HS2ST1: variants seen among roughly 807,000 people sequenced by gnomAD.
The protein encoded by HS2ST1 is heparan sulfate 2-O-sulfotransferase 1, also known as 2-O-sulfotransferase.
Under a neutral mutation model 42.9 loss-of-function variants are expected in HS2ST1, and 18 were observed. That is an observed-to-expected ratio of 0.42 (90% CI 0.29 to 0.62). The LOEUF is 0.62. HS2ST1 is among the 20% of genes least tolerant of loss of function. The pLI is 0.21. For missense variants in HS2ST1, 334 were observed against 433.8 expected, an observed-to-expected ratio of 0.77 and a Z score of 2.04; for synonymous variants, 146 against 152.9, an observed-to-expected ratio of 0.95 and a Z score of 0.33.
chr1:87,001,042 T>C (rs1298291532), intron 1 of HS2ST1, among the ~76,000 whole-genome samples: 1 of 152,214 alleles, frequency 6.6e-6, no homozygotes, highest in Non-Finnish European at 1.5e-5. Context: ...AGCTTTTGTT[T>C]TTATACAAGT....
intron 1 of HS2ST1, chr1:86,932,585 A>G (rs1660566337): frequency 6.6e-6 from 1 of 152,174 alleles, no homozygotes. Flanking sequence ...GTAAAATTAA[A>G]ATTACTGATT....
chr1:87,038,182 A>G (rs1473700573), intron 1 of HS2ST1, among the ~76,000 whole-genome samples: 1 of 152,086 alleles, frequency 6.6e-6, no homozygotes, highest in Admixed American at 6.6e-5. Flanking sequence ...CTATGACAAT[A>G]TGCTGTGTTC....
At chr1:87,047,163 T>A (rs1570510565) in intron 1 of HS2ST1, among the ~76,000 whole-genome samples, 1 of 152,334 alleles carries the variant, frequency 6.6e-6, no homozygotes, top group African/African-American at 2.4e-5. Flanking sequence ...CTTACAAATT[T>A]TTGTGTTATC....
intron 3 of HS2ST1, among the ~76,000 whole-genome samples, chr1:87,088,325 G>T (rs1330621948): frequency 6.6e-6 from 1 of 151,924 alleles, no homozygotes. Context: ...TATCTTATCA[G>T]TCATCAAGTC....
chr1:87,015,844 GTCTA>G (rs1649739260), intron 1 of HS2ST1, among the ~76,000 whole-genome samples: 1 of 151,574 alleles, frequency 6.6e-6, no homozygotes, highest in African/African-American at 2.4e-5. Context: ...TTGAGATGGA[GTCTA>G]TCTCTGTCAC....
At chr1:87,067,808 C>T (rs912305204) in intron 1 of HS2ST1, among the ~76,000 whole-genome samples, 7 of 152,100 alleles carry the variant, frequency 4.6e-5, no homozygotes, top group South Asian at 2.1e-4. Flanking sequence ...TTCCCAACAC[C>T]GCTTATTAAA....
chr1:86,942,500 A>G (rs570950935), intron 1 of HS2ST1, among the ~76,000 whole-genome samples: 19 of 152,338 alleles, frequency 1.2e-4, no homozygotes, highest in South Asian at 6.2e-4. Context: ...CATTTTTGAG[A>G]GGGTGGAATA....
At chr1:86,993,177 A>C in intron 1 of HS2ST1, 1 of 1,570,566 alleles carries the variant, frequency 6.4e-7, no homozygotes, top group Non-Finnish European at 8.6e-7. Context: ...ACTGACTTTC[A>C]TTTCAAAAGC....
intron 1 of HS2ST1, among the ~76,000 whole-genome samples, chr1:87,047,484 C>T (rs898406524): frequency 6.6e-6 from 1 of 152,056 alleles, no homozygotes; most frequent in Admixed American, 6.6e-5. Context: ...TTTAAGAAAT[C>T]TTTGCCAAAC....
In HS2ST1 at chr1:86,954,040, TAAAAAAAAA is replaced by T. The variant is rs367757359; in HGVS notation, c.124+38901_124+38909del. The stretch of plus-strand genomic sequence containing the variant: ...TAATAACAAACATCACTGTTTTTTT[TAAAAAAAAA>T]AAAAAAAAAAAAAAAAAAAAGGCCG... On this transcript the variant is annotated intron_variant, in intron 1 of 6. Transcript: ENST00000370550. Among the ~76,000 whole-genome samples, 69 of 67,354 alleles carry T rather than the reference TAAAAAAAAA, an allele frequency of 1.0e-3. 1 individual carries two copies. Among genetic ancestry groups the T allele is most frequent in the African/African-American group, 3.0e-3 (59 of 19,674 alleles). 44.2% of individuals were successfully genotyped at this position (67,354 alleles called of 152,430 possible).
In HS2ST1 at chr1:87,103,582, T is replaced by C; in HGVS notation, c.837T>C (p.Tyr279=). 1 of 1,601,020 alleles carries C rather than the reference T, an allele frequency of 6.2e-7. No homozygotes were observed. Among genetic ancestry groups the C allele is most frequent in the Non-Finnish European group, 8.5e-7 (1 of 1,175,876 alleles). The change falls in exon 6 of 7, where the codon TAT becomes TAC. Residue 279 remains tyrosine (Y), a synonymous_variant. Transcript: ENST00000370550. ...PRFFRGATEL[Y]RTGKKSHLRK... is the part of the protein sequence containing the mutation. ...TTTTCAGGGGTGCTACTGAACTCTA[T>C]CGCACAGGTATATAAAGGAAGGGTT...
chr1:86,928,794 G>A (rs1414450711), intron 1 of HS2ST1, among the ~76,000 whole-genome samples: 1 of 151,922 alleles, frequency 6.6e-6, no homozygotes, highest in Non-Finnish European at 1.5e-5. Flanking sequence ...ACAAAGTTGT[G>A]TGATGATATT....
At chr1:87,066,282 G>A (rs1469224761) in intron 1 of HS2ST1, among the ~76,000 whole-genome samples, 4 of 152,166 alleles carry the variant, frequency 2.6e-5, no homozygotes, top group Admixed American at 2.6e-4. Flanking sequence ...TTCATCAGGA[G>A]CCTGGAAAAA....
chr1:86,924,599 G>A (rs1274516686), intron 1 of HS2ST1, among the ~76,000 whole-genome samples: 5 of 152,146 alleles, frequency 3.3e-5, no homozygotes, highest in Admixed American at 1.3e-4. Context: ...CTGTGCACTC[G>A]CAGGCTCAAC....
intron 1 of HS2ST1, among the ~76,000 whole-genome samples, chr1:86,949,570 A>G (rs181440978): frequency 1.8e-4 from 28 of 152,338 alleles, no homozygotes; most frequent in Non-Finnish European, 3.1e-4. Flanking sequence ...ACTGCATCTC[A>G]GAAAAGAGAA....
At chr1:86,988,612 AATACAT>A (rs1159622389) in intron 1 of HS2ST1, among the ~76,000 whole-genome samples, 2 of 152,262 alleles carry the variant, frequency 1.3e-5, no homozygotes, top group Admixed American at 1.3e-4. Flanking sequence ...CCTCCTCCTC[AATACAT>A]TTAATTAATG....
At chr1:86,933,177 CCT>C (rs1660576860) in intron 1 of HS2ST1, among the ~76,000 whole-genome samples, 1 of 150,078 alleles carries the variant, frequency 6.7e-6, no homozygotes, top group Admixed American at 6.6e-5. Flanking sequence ...GGTGTTTATC[CCT>C]CTTGAGTTCT....
chr1:87,042,763 C>G (rs1164897401), intron 1 of HS2ST1, among the ~76,000 whole-genome samples: 3 of 152,060 alleles, frequency 2.0e-5, no homozygotes, highest in Non-Finnish European at 4.4e-5. Flanking sequence ...TTTCCACAGT[C>G]ATCATTGGAT....
At chr1:87,090,252 C>T (rs1651907531) in intron 3 of HS2ST1, among the ~76,000 whole-genome samples, 1 of 151,934 alleles carries the variant, frequency 6.6e-6, no homozygotes, top group Non-Finnish European at 1.5e-5. Context: ...GTGTTGGGCA[C>T]AGTGCTGAGC....
Sources: gnomAD v4.1 joint callset for allele counts (sites outside exome capture counted in the v4.1 genomes callset) on GRCh38, gnomAD v4.1.1 for gene constraint, MANE v1.5 for transcripts, NCBI Gene and HGNC (gene_info 2026-07-23, HGNC 2026-07-21) for gene names.